The following CYP3A7 variants were observed in gnomAD, a reference collection of about 807,000 sequenced individuals.
CYP3A7 encodes cytochrome P450 3A7.
A neutral mutation model predicts 55.2 loss-of-function variants in CYP3A7; 45 were observed. The observed-to-expected ratio is 0.82, with a 90% CI of 0.64 to 1.05. CYP3A7 has a LOEUF of 1.05. Ranked by LOEUF, CYP3A7 falls within the 50% of genes least tolerant of loss-of-function variation. The pLI, the probability that CYP3A7 is intolerant of heterozygous loss-of-function variation, is 0.00. For missense variants in CYP3A7, 548 were observed against 605.3 expected, an observed-to-expected ratio of 0.91 and a Z score of 0.99; for synonymous variants, 180 against 207.4, an observed-to-expected ratio of 0.87 and a Z score of 1.13.
At chr7:99,733,643 C>G (rs552614863) in intron 1 of CYP3A7, among the ~76,000 whole-genome samples, 1 of 152,242 alleles carries the variant, frequency 6.6e-6, no homozygotes, top group African/African-American at 2.4e-5. Flanking sequence ...GTCCAGGCTT[C>G]AAGCAGATGA....
At chr7:99,715,968 G>C (rs45506298) in intron 6 of CYP3A7, 62 bp from the exon 7 acceptor site, 2 of 1,611,282 alleles carry the variant, frequency 1.2e-6, no homozygotes, top group African/African-American at 2.7e-5. Context: ...TCCTCTATGC[G>C]TGCAGCAGGA....
chr7:99,725,397 A>C (rs1814371778), intron 2 of CYP3A7, among the ~76,000 whole-genome samples: 1 of 152,250 alleles, frequency 6.6e-6, no homozygotes, highest in African/African-American at 2.4e-5. Flanking sequence ...GAGGCGGCCA[A>C]GTGACAATGC....
chr7:99,729,142 C>G (rs568883194), intron 2 of CYP3A7, among the ~76,000 whole-genome samples: 1 of 152,290 alleles, frequency 6.6e-6, no homozygotes, highest in Non-Finnish European at 1.5e-5. Context: ...TAGCTCCTCC[C>G]TATTCTTAGT....
intron 2 of CYP3A7, among the ~76,000 whole-genome samples, chr7:99,730,404 G>A (rs555021800): frequency 3.0e-4 from 46 of 152,210 alleles, no homozygotes; most frequent in African/African-American, 1.0e-3. Context: ...CCCACAAGAC[G>A]CAGCCTTCAA....
Position 99,717,157 on chromosome 7 carries a change from A to G in CYP3A7, c.521+20T>C. The G allele has an allele frequency of 6.2e-7, 1 of 1,613,710 alleles. No individual in the cohort carries two copies. Among genetic ancestry groups the G allele is most frequent in the Non-Finnish European group, 8.5e-7 (1 of 1,179,700 alleles). On this transcript the variant is annotated intron_variant, in intron 6 of 12. Coordinates refer to ENST00000336374, the MANE Select transcript of CYP3A7 (RefSeq NM_000765.5). ...GGGGCTCATGACAGCTCAGAACCCC[A>G]TGGCTGTGCTCCTACTTACTGTTTC...
intron 12 of CYP3A7, 116 bp from the exon 13 acceptor site, chr7:99,705,711 C>G: frequency 8.0e-7 from 1 of 1,256,938 alleles, no homozygotes; most frequent in Non-Finnish European, 1.1e-6. Context: ...ATAAAAACTA[C>G]TTTCAGCACT....
At chr7:99,709,705 C>G (rs373166336) in intron 10 of CYP3A7, among the ~76,000 whole-genome samples, 1 of 152,038 alleles carries the variant, frequency 6.6e-6, no homozygotes, top group Non-Finnish European at 1.5e-5. Flanking sequence ...GGCCAAACTT[C>G]TGGTTCATAA....
chr7:99,727,011 C>G (rs1423902284), intron 2 of CYP3A7, among the ~76,000 whole-genome samples: 1 of 152,148 alleles, frequency 6.6e-6, no homozygotes, highest in Non-Finnish European at 1.5e-5. Flanking sequence ...TTTTGCCATC[C>G]TAACAAAACC....
At chr7:99,707,635 G>C (rs1358137447) in intron 12 of CYP3A7, among the ~76,000 whole-genome samples, 177 bp downstream of exon 12, 1 of 152,176 alleles carries the variant, frequency 6.6e-6, no homozygotes, top group Non-Finnish European at 1.5e-5. Context: ...TAATGCTACA[G>C]CTTTTGAACT....
At chr7:99,710,934 G>A in intron 9 of CYP3A7, 42 bp from the exon 10 acceptor site, 1 of 1,613,032 alleles carries the variant, frequency 6.2e-7, no homozygotes, top group East Asian at 2.2e-5. Context: ...TCAGGTCAAT[G>A]TAGGGCATCA....
chr7:99,723,668 C>T (rs1814297619), intron 2 of CYP3A7, among the ~76,000 whole-genome samples: 5 of 152,156 alleles, frequency 3.3e-5, no homozygotes, highest in Admixed American at 3.3e-4. Context: ...CCTCTTGGGT[C>T]CTCAGACCAG....
intron 2 of CYP3A7, among the ~76,000 whole-genome samples, chr7:99,726,669 C>G (rs1028457502): frequency 5.3e-5 from 8 of 152,182 alleles, no homozygotes; most frequent in South Asian, 4.2e-4. Flanking sequence ...CAGCCAAGCT[C>G]TCTCTCATGA....
In CYP3A7 at chr7:99,721,560, C is replaced by T. The variant is rs868075386; in HGVS notation, c.218+736G>A. Among the ~76,000 whole-genome samples, 7 of 152,172 alleles carry T rather than the reference C, an allele frequency of 4.6e-5. No individual in the cohort carries two copies. In the South Asian group the frequency reaches 6.2e-4, roughly 14 times the overall value. On this transcript the variant is annotated intron_variant, in intron 3 of 12. Coordinates refer to ENST00000336374, the MANE Select transcript of CYP3A7 (RefSeq NM_000765.5). ...GGGAATAGGCAGACACTGGACAGAA[C>T]GTGATGCTGGGAGTCCCTGGGCCAC...
chr7:99,707,970 T>C lies in CYP3A7; in HGVS notation c.1258A>G (p.Ser420Gly), dbSNP rs1321570575. The C allele has an allele frequency of 1.9e-6, 3 of 1,613,874 alleles. No individual in the cohort carries two copies. Among genetic ancestry groups the C allele is most frequent in the Admixed American group, 3.3e-5 (2 of 60,022 alleles). ...TCTATGTTGTCCTTGTTCTTTTTAC[T>C]GAACCTGGTTCCATATTGGTAGATA... ...EPEKFLPERF[S>G]KKNKDNIDPY... is the part of the protein sequence containing the mutation. Residue 420 changes from serine (S) to glycine (G), a missense_variant, in exon 12 of 13, where the codon AGT becomes GGT. Coordinates refer to ENST00000336374, the MANE Select transcript of CYP3A7 (RefSeq NM_000765.5).
Position 99,705,477 on chromosome 7 carries a change from C to A in CYP3A7, c.*23G>T. 2 of 1,611,974 alleles carry A rather than the reference C, an allele frequency of 1.2e-6. No individual in the cohort carries two copies. Among genetic ancestry groups the A allele is most frequent in the Non-Finnish European group, 1.7e-6 (2 of 1,178,468 alleles). ...TCTGGGGCACAGCTTTCTTAAAGAG[C>A]AAACCAGAAGTCCTTAGGGAAATCA... On this transcript the variant is annotated 3_prime_UTR_variant, in exon 13 of 13. Coordinates refer to ENST00000336374, the MANE Select transcript of CYP3A7 (RefSeq NM_000765.5).
intron 10 of CYP3A7, 44 bp downstream of exon 10, chr7:99,710,688 A>G (rs1267830289): frequency 6.2e-7 from 1 of 1,613,230 alleles, no homozygotes; most frequent in Non-Finnish European, 8.5e-7. Context: ...CATCTTTGCT[A>G]AGGCTTCACC....
In CYP3A7 at chr7:99,710,873, G is replaced by T. The variant is rs1178965490; in HGVS notation, c.885C>A (p.Leu295=). 3 of 1,613,750 alleles carry T rather than the reference G, an allele frequency of 1.9e-6. No individual in the cohort carries two copies. In the East Asian group the frequency reaches 6.7e-5, roughly 36 times the overall value. The change falls in exon 10 of 13, where the codon CTC becomes CTA. Residue 295 remains leucine (L), a synonymous_variant. Coordinates refer to ENST00000336374, the MANE Select transcript of CYP3A7 (RefSeq NM_000765.5). ...ETHKALSDLE[L]MAQSIIFIFA... is the part of the protein sequence containing the mutation. ...AAATAAAGATAATTGATTGGGCCATGAGCTCCAGATCAGACAGAGCTGAAA... is the reference window on the plus strand; with the variant it reads ...AAATAAAGATAATTGATTGGGCCATTAGCTCCAGATCAGACAGAGCTGAAA...
At chr7:99,731,204 A>G in intron 1 of CYP3A7, 52 bp from the exon 2 acceptor site, 8 of 1,606,202 alleles carry the variant, frequency 5.0e-6, no homozygotes, top group Non-Finnish European at 6.8e-6. Flanking sequence ...TTATAGATAT[A>G]GGGGCTGGTG....
At chr7:99,726,972 GT>G (rs1222932509) in intron 2 of CYP3A7, among the ~76,000 whole-genome samples, 1 of 152,142 alleles carries the variant, frequency 6.6e-6, no homozygotes, top group Non-Finnish European at 1.5e-5. Context: ...CCTGGGCATG[GT>G]TGGATACTTT....
Sources: allele counts gnomAD v4.1 joint callset (sites outside exome capture counted in the v4.1 genomes callset), GRCh38; gene constraint gnomAD v4.1.1; transcripts MANE v1.5; gene names NCBI Gene and HGNC (gene_info 2026-07-23, HGNC 2026-07-21).